Variants in MBD5 observed in about 807,000 individuals in gnomAD.
The protein encoded by MBD5 is methyl-CpG-binding domain protein 5.
In MBD5, 13 loss-of-function variants were observed where a neutral mutation model predicts 117.3. The ratio of observed to expected loss-of-function variants is 0.11; its 90% CI spans 0.07 to 0.18. The LOEUF is 0.18. Ranked by LOEUF, MBD5 falls within the 10% of genes least tolerant of loss-of-function variation. The probability of loss-of-function intolerance (pLI) is 1.00; values close to 1 mark genes in which losing one functional copy is unlikely to be tolerated. For missense variants in MBD5, 1,879 were observed against 2,093.8 expected (o/e 0.90, Z 2.00); for synonymous variants, 727 against 766.4 (o/e 0.95, Z 0.85).
intron 4 of MBD5, among the ~76,000 whole-genome samples, chr2:148,389,249 A>AAATATATAT (rs1704480587): frequency 3.1e-5 from 1 of 32,324 alleles, no homozygotes; most frequent in Non-Finnish European, 5.7e-5. Flanking sequence ...AGGAAAAAAA[A>AAATATATAT]ACATATATAT....
chr2:148,113,991 G>T (rs1027852856), intron 1 of MBD5, among the ~76,000 whole-genome samples: 11 of 151,778 alleles, frequency 7.2e-5, no homozygotes, highest in Non-Finnish European at 8.8e-5. Context: ...ATTTTCTTTT[G>T]CACTGTTATT....
At chr2:148,133,260 C>T (rs6728673) in intron 1 of MBD5, among the ~76,000 whole-genome samples, 146,646 of 152,230 alleles carry the variant, frequency 0.96, 70,868 homozygotes, top group East Asian at 1. Flanking sequence ...TCTTTAATTT[C>T]CTCTTGGAGT....
intron 4 of MBD5, among the ~76,000 whole-genome samples, chr2:148,446,625 T>TGTGTGTGTG (rs1211941382): frequency 6.6e-6 from 1 of 151,986 alleles, no homozygotes; most frequent in East Asian, 1.9e-4. Context: ...TGTGTGTGTG[T>TGTGTGTGTG]GTGTGTAAAA....
chr2:148,099,993 G>A (rs1385282279), intron 1 of MBD5, among the ~76,000 whole-genome samples: 1 of 152,184 alleles, frequency 6.6e-6, no homozygotes, highest in Non-Finnish European at 1.5e-5. Flanking sequence ...GCCTAGTGGG[G>A]TAGACAGATA....
intron 1 of MBD5, among the ~76,000 whole-genome samples, chr2:148,120,390 A>C (rs1437499590): frequency 6.6e-6 from 1 of 152,186 alleles, no homozygotes; most frequent in African/African-American, 2.4e-5. Flanking sequence ...GGGATTATTG[A>C]CATTTTAACA....
intron 4 of MBD5, among the ~76,000 whole-genome samples, chr2:148,441,067 TG>T (rs1706305755): frequency 2.0e-5 from 3 of 152,168 alleles, no homozygotes; most frequent in Admixed American, 1.3e-4. Context: ...TTCTATTTCC[TG>T]CTTCATCCCT....
At chr2:148,140,132 C>CTAAAA (rs1697277568) in intron 1 of MBD5, among the ~76,000 whole-genome samples, 1 of 152,132 alleles carries the variant, frequency 6.6e-6, no homozygotes, top group South Asian at 2.1e-4. Context: ...TGGTAATGTC[C>CTAAAA]TAGAACACAG....
chr2:148,043,276 AAAAT>A (rs1185129385), intron 1 of MBD5, among the ~76,000 whole-genome samples: 1 of 150,320 alleles, frequency 6.7e-6, no homozygotes, highest in African/African-American at 2.5e-5. Flanking sequence ...ATACAAAAAA[AAAAT>A]AAAAAAATAA....
intron 3 of MBD5, among the ~76,000 whole-genome samples, chr2:148,236,255 A>C (rs992929159): frequency 6.6e-6 from 1 of 152,146 alleles, no homozygotes; most frequent in Non-Finnish European, 1.5e-5. Context: ...TGACAAAGTA[A>C]ATTGGTTTTC....
chr2:148,304,406 T>A (rs200175544), intron 3 of MBD5, among the ~76,000 whole-genome samples: 1 of 152,032 alleles, frequency 6.6e-6, no homozygotes, highest in East Asian at 1.9e-4. Flanking sequence ...GCAAACTGCT[T>A]CTCAATATAA....
intron 11 of MBD5, among the ~76,000 whole-genome samples, chr2:148,494,725 G>A (rs1385775481): frequency 2.0e-5 from 3 of 152,200 alleles, no homozygotes; most frequent in African/African-American, 7.2e-5. Flanking sequence ...ACTTTGGGAG[G>A]CCGAGGCGGG....
intron 1 of MBD5, among the ~76,000 whole-genome samples, chr2:148,141,069 G>C (rs920119412): frequency 1.3e-5 from 2 of 152,130 alleles, no homozygotes; most frequent in African/African-American, 2.4e-5. Context: ...ACCGCGCCCA[G>C]CTGGTAATGC....
intron 1 of MBD5, among the ~76,000 whole-genome samples, chr2:148,173,950 A>G (rs1466514856): frequency 1.3e-5 from 2 of 152,238 alleles, no homozygotes; most frequent in South Asian, 2.1e-4. Flanking sequence ...CCTAAAATTT[A>G]TATGGAACCA....
chr2:148,308,992 T>A (rs2106518489), intron 3 of MBD5, among the ~76,000 whole-genome samples: 1 of 152,284 alleles, frequency 6.6e-6, no homozygotes. Flanking sequence ...CTGAGGCCTC[T>A]GTTCCGTTTC....
chr2:148,028,751 T>A (rs1693965228), intron 1 of MBD5: 1 of 152,132 alleles, frequency 6.6e-6, no homozygotes, highest in South Asian at 2.1e-4. Context: ...TAAAATATTC[T>A]TATTTGAAAA....
At chr2:148,159,790 C>A (rs1461832686) in intron 1 of MBD5, among the ~76,000 whole-genome samples, 1 of 152,140 alleles carries the variant, frequency 6.6e-6, no homozygotes, top group African/African-American at 2.4e-5. Flanking sequence ...TCAATCCCCT[C>A]AACAACTCTA....
At chr2:148,135,284 C>T (rs977399271) in intron 1 of MBD5, among the ~76,000 whole-genome samples, 1 of 152,132 alleles carries the variant, frequency 6.6e-6, no homozygotes, top group African/African-American at 2.4e-5. Context: ...ATTCTTCAAA[C>T]CAGGGAACTT....
intron 3 of MBD5, among the ~76,000 whole-genome samples, chr2:148,334,052 A>G (rs1163285565): frequency 6.6e-6 from 1 of 152,060 alleles, no homozygotes; most frequent in Non-Finnish European, 1.5e-5. Context: ...TTTGCCACCT[A>G]TTCTTTTATT....
At chr2:148,369,028 C>T (rs942366719) in intron 4 of MBD5, among the ~76,000 whole-genome samples, 2 of 152,030 alleles carry the variant, frequency 1.3e-5, no homozygotes, top group Admixed American at 6.6e-5. Flanking sequence ...TGATATGATG[C>T]ATGGAGAAGG....
Sources: gnomAD v4.1 joint callset for allele counts (sites outside exome capture counted in the v4.1 genomes callset) on GRCh38, gnomAD v4.1.1 for gene constraint, MANE v1.5 for transcripts, NCBI Gene and HGNC (gene_info 2026-07-23, HGNC 2026-07-21) for gene names.